TMEFF2: variants seen among roughly 807,000 people sequenced by gnomAD.
TMEFF2 encodes the protein tomoregulin-2.
In TMEFF2, 28 loss-of-function variants were observed where a neutral mutation model predicts 53.8. That is an observed-to-expected ratio of 0.52 (90% CI 0.39 to 0.71). The LOEUF (loss-of-function observed/expected upper bound fraction) is 0.71, where lower values mean the gene tolerates loss of function less well. Ranked by LOEUF, TMEFF2 falls within the 30% of genes least tolerant of loss-of-function variation. The pLI is 0.00. For synonymous variants in TMEFF2, 162 were observed against 166.3 expected (o/e 0.97, Z 0.20); for missense variants, 353 against 455.2 (o/e 0.78, Z 2.04).
intron 7 of TMEFF2, among the ~76,000 whole-genome samples, chr2:191,985,767 A>G (rs1685961690): frequency 6.6e-6 from 1 of 152,124 alleles, no homozygotes; most frequent in Admixed American, 6.5e-5. Context: ...TGTCTTTGCT[A>G]TTTTTTCAAG....
chr2:192,034,641 A>G (rs1376872071), intron 5 of TMEFF2: 1 of 152,138 alleles, frequency 6.6e-6, no homozygotes, highest in African/African-American at 2.4e-5. Context: ...TTGTTGTCCT[A>G]CTTTATAATT....
chr2:192,022,207 A>G (rs1417694103), intron 5 of TMEFF2, among the ~76,000 whole-genome samples: 3 of 152,080 alleles, frequency 2.0e-5, no homozygotes, highest in Admixed American at 6.6e-5. Context: ...CTCCCACTAG[A>G]TCTCCTCCAT....
At chr2:192,047,279 ATATTT>A (rs1490766781) in intron 5 of TMEFF2, among the ~76,000 whole-genome samples, 46 of 152,340 alleles carry the variant, frequency 3.0e-4, no homozygotes, top group Admixed American at 4.6e-4. Context: ...TGTGAAGCTA[ATATTT>A]TATTTTATTT....
intron 4 of TMEFF2, among the ~76,000 whole-genome samples, chr2:192,076,736 T>G (rs1688440588): frequency 6.6e-6 from 1 of 152,154 alleles, no homozygotes; most frequent in Admixed American, 6.6e-5. Flanking sequence ...GAAGCAATTT[T>G]GTATTACTGG....
intron 4 of TMEFF2, among the ~76,000 whole-genome samples, chr2:192,063,855 G>T (rs1372984935): frequency 1.3e-5 from 2 of 151,436 alleles, no homozygotes; most frequent in South Asian, 2.1e-4. Context: ...ACTTTATTTT[G>T]ATATTCATAT....
At chr2:192,169,257 A>C (rs774327257) in intron 4 of TMEFF2, among the ~76,000 whole-genome samples, 1 of 152,164 alleles carries the variant, frequency 6.6e-6, no homozygotes, top group Non-Finnish European at 1.5e-5. Context: ...GTAGATTTTC[A>C]TTGACTTTAG....
At chr2:192,128,231 A>G (rs1190170148) in intron 4 of TMEFF2, among the ~76,000 whole-genome samples, 1 of 152,232 alleles carries the variant, frequency 6.6e-6, no homozygotes, top group Non-Finnish European at 1.5e-5. Context: ...CAATGTCTAT[A>G]CATATATTTA....
At chr2:192,067,757 T>C (rs6750989) in intron 4 of TMEFF2, among the ~76,000 whole-genome samples, 66,723 of 151,620 alleles carry the variant, frequency 0.44, 14,844 homozygotes, top group Non-Finnish European at 0.48. Flanking sequence ...GAGTTAACTT[T>C]AACCTACTAA....
chr2:191,963,951 A>C (rs1162598277), intron 7 of TMEFF2, among the ~76,000 whole-genome samples: 2 of 152,156 alleles, frequency 1.3e-5, no homozygotes, highest in Non-Finnish European at 2.9e-5. Context: ...TTTTTTATAG[A>C]TTAGGAAAAT....
intron 4 of TMEFF2, among the ~76,000 whole-genome samples, chr2:192,141,296 T>C (rs541388861): frequency 6.6e-6 from 1 of 151,804 alleles, no homozygotes; most frequent in African/African-American, 2.4e-5. Context: ...CTACTAAAAA[T>C]ACAAAAATTA....
intron 4 of TMEFF2, among the ~76,000 whole-genome samples, chr2:192,066,412 T>G (rs544131150): frequency 6.5e-4 from 98 of 151,876 alleles, no homozygotes; most frequent in African/African-American, 2.4e-3. Context: ...AACATAACGG[T>G]TTACGGTTCT....
At position 192,194,171 on chromosome 2, in the gene TMEFF2, C is replaced by A. The variant is rs962277457; in HGVS notation, c.172+182G>T. 6.6e-6 allele frequency among the ~76,000 whole-genome samples: 1 copy of A among 152,200 alleles called. No homozygotes were observed. The highest frequency in any genetic ancestry group is 6.5e-5 in the Admixed American group (1 of 15,284). ...GCACTTTCTGCCCATCCCAGAACCA[C>A]CCCTCACCCCCGGGCCTGCAACAGT... On this transcript the variant is annotated intron_variant, in intron 1 of 9. Transcript: ENST00000272771. This position sits in a 1 kb window ranked among gnomAD's most constrained non-coding sequence, Gnocchi z 4.2.
intron 7 of TMEFF2, among the ~76,000 whole-genome samples, chr2:191,997,047 C>G (rs1488356080): frequency 3.3e-5 from 5 of 151,904 alleles, no homozygotes; most frequent in Admixed American, 3.3e-4. Context: ...GTGAGAAGTT[C>G]TGGGTAGAAG....
At chr2:192,045,731 C>T (rs1687603138) in intron 5 of TMEFF2, among the ~76,000 whole-genome samples, 3 of 152,186 alleles carry the variant, frequency 2.0e-5, no homozygotes, top group Non-Finnish European at 4.4e-5. Flanking sequence ...GAAACCAACA[C>T]CGAGTCCCTA....
intron 4 of TMEFF2, among the ~76,000 whole-genome samples, chr2:192,131,343 C>T (rs938758681): frequency 2.0e-5 from 3 of 151,772 alleles, no homozygotes; most frequent in Non-Finnish European, 4.4e-5. Context: ...TACCCCTTCT[C>T]TGCTTTTCTG....
chr2:192,183,010 A>G (rs1371027271), intron 3 of TMEFF2, among the ~76,000 whole-genome samples: 1 of 151,890 alleles, frequency 6.6e-6, no homozygotes, highest in Admixed American at 6.6e-5. Flanking sequence ...TCTTTTATTC[A>G]TGACTTGTCA....
chr2:192,045,811 A>G (rs552481803), intron 5 of TMEFF2, among the ~76,000 whole-genome samples: 30 of 152,204 alleles, frequency 2.0e-4, no homozygotes, highest in Non-Finnish European at 3.7e-4. Flanking sequence ...GACTGCTTCC[A>G]TCATGGAAGA....
chr2:192,026,818 C>A (rs993028882), intron 5 of TMEFF2, among the ~76,000 whole-genome samples: 1 of 152,160 alleles, frequency 6.6e-6, no homozygotes, highest in Non-Finnish European at 1.5e-5. Flanking sequence ...ATGCTTAGAT[C>A]TACAAAGACT....
At chr2:192,138,734 A>G (rs1308448738) in intron 4 of TMEFF2, among the ~76,000 whole-genome samples, 2 of 152,204 alleles carry the variant, frequency 1.3e-5, no homozygotes, top group Non-Finnish European at 2.9e-5. Context: ...TGAAGTTTCT[A>G]TTCTTGATTT....
Sources: gnomAD v4.1 joint callset for allele counts (sites outside exome capture counted in the v4.1 genomes callset) on GRCh38, gnomAD v4.1.1 for gene constraint, Gnocchi (gnomAD v3.1) non-coding constraint, MANE v1.5 for transcripts, NCBI Gene and HGNC (gene_info 2026-07-23, HGNC 2026-07-21) for gene names.